CCDC15: variants seen among roughly 807,000 people sequenced by gnomAD.
CCDC15 encodes coiled-coil domain-containing protein 15.
A neutral mutation model predicts 114.5 loss-of-function variants in CCDC15; 105 were observed. The ratio of observed to expected loss-of-function variants is 0.92; its 90% CI spans 0.78 to 1.08. CCDC15 has a LOEUF of 1.08. Among genes scored for constraint, CCDC15 ranks in the 50% least tolerant of loss-of-function variants. The pLI is 0.00. For missense variants in CCDC15, 1,105 were observed against 1,093.6 expected (o/e 1.01, Z -0.15); for synonymous variants, 334 against 377.8 (o/e 0.88, Z 1.34).
intron 4 of CCDC15, among the ~76,000 whole-genome samples, chr11:124,967,848 C>G (rs1187261390): frequency 2.0e-5 from 3 of 152,166 alleles, no homozygotes; most frequent in African/African-American, 7.2e-5. Flanking sequence ...GATGTTGATG[C>G]TATTCCTTTC....
At chr11:125,013,570 A>G (rs926578718) in intron 13 of CCDC15, among the ~76,000 whole-genome samples, 2 of 152,186 alleles carry the variant, frequency 1.3e-5, no homozygotes, top group Admixed American at 6.5e-5. Context: ...AGTAGAATCC[A>G]TAGATTTTGA....
At chr11:124,971,304 G>A (rs1036406986) in intron 4 of CCDC15, among the ~76,000 whole-genome samples, 1 of 152,196 alleles carries the variant, frequency 6.6e-6, no homozygotes, top group African/African-American at 2.4e-5. Context: ...ACCAAAGGTA[G>A]ATAAAACCAC....
intron 4 of CCDC15, among the ~76,000 whole-genome samples, chr11:124,969,207 C>T (rs1947837838): frequency 6.6e-6 from 1 of 152,172 alleles, no homozygotes; most frequent in African/African-American, 2.4e-5. Flanking sequence ...TCTTAATCCG[C>T]ACCCCTTACC....
chr11:125,026,678 T>A (rs1162853822), intron 13 of CCDC15, among the ~76,000 whole-genome samples: 7 of 152,348 alleles, frequency 4.6e-5, no homozygotes, highest in Middle Eastern at 3.4e-3. Flanking sequence ...GCAACTCTTC[T>A]CACCTCCAGC....
At chr11:125,006,652 A>G (rs553758458) in intron 13 of CCDC15, among the ~76,000 whole-genome samples, 1 of 152,020 alleles carries the variant, frequency 6.6e-6, no homozygotes, top group East Asian at 1.9e-4. Flanking sequence ...GTAGTTTTGC[A>G]TTTTACATTT....
chr11:125,026,967 T>TA (rs1948707430), intron 13 of CCDC15, among the ~76,000 whole-genome samples: 1 of 152,184 alleles, frequency 6.6e-6, no homozygotes, highest in African/African-American at 2.4e-5. Context: ...AGCTCCCACT[T>TA]ATAAGTGAAA....
At chr11:125,011,230 A>T (rs1406301251) in intron 13 of CCDC15, among the ~76,000 whole-genome samples, 2 of 135,808 alleles carry the variant, frequency 1.5e-5, no homozygotes, top group Non-Finnish European at 3.1e-5. Flanking sequence ...TATTATTATT[A>T]TTATTATTAT....
chr11:124,966,461 T>G (rs1475690665), intron 4 of CCDC15, among the ~76,000 whole-genome samples: 2 of 145,354 alleles, frequency 1.4e-5, no homozygotes, highest in African/African-American at 5.4e-5. Flanking sequence ...TTGCAACCCC[T>G]GCTTTTTTTT....
intron 11 of CCDC15, among the ~76,000 whole-genome samples, chr11:124,997,565 A>C (rs1948394551): frequency 6.6e-6 from 1 of 152,192 alleles, no homozygotes; most frequent in Non-Finnish European, 1.5e-5. Context: ...TTAGGATTGC[A>C]GGTGTGAGCC....
intron 11 of CCDC15, among the ~76,000 whole-genome samples, chr11:125,000,214 A>T (rs1948454906): frequency 1.3e-5 from 2 of 152,022 alleles, no homozygotes; most frequent in Non-Finnish European, 2.9e-5. Flanking sequence ...AAATCCTCTA[A>T]AGAATATTGT....
chr11:125,011,238 TA>T (rs1331923749), intron 13 of CCDC15, among the ~76,000 whole-genome samples: 19 of 137,812 alleles, frequency 1.4e-4, no homozygotes, highest in African/African-American at 3.9e-4. Context: ...TTATTATTAT[TA>T]TTATTATTAT....
At chr11:125,037,846 T>C (rs1399192205) in intron 13 of CCDC15, among the ~76,000 whole-genome samples, 1 of 152,180 alleles carries the variant, frequency 6.6e-6, no homozygotes, top group Non-Finnish European at 1.5e-5. Context: ...TCTGTTTTGG[T>C]CAGAAGCAGA....
rs1193539037 is a variant in CCDC15, at chr11:125,040,741, T to C, written c.*30T>C. The stretch of plus-strand genomic sequence containing the variant: ...AATCTGAAATTAACTGGTAGTATTT[T>C]GGCTTTTACTTAAAATCATCCCTGA... On this transcript the variant is annotated 3_prime_UTR_variant, in exon 16 of 16. Coordinates refer to ENST00000344762, the MANE Select transcript of CCDC15 (RefSeq NM_025004.3). The C allele has an allele frequency of 6.3e-7, 1 of 1,598,266 alleles. No individual in the cohort carries two copies. The highest frequency in any genetic ancestry group is 2.2e-5 in the East Asian group (1 of 44,700).
intron 13 of CCDC15, among the ~76,000 whole-genome samples, chr11:125,019,891 A>T (rs1454645083): frequency 2.0e-5 from 3 of 151,844 alleles, no homozygotes; most frequent in Admixed American, 1.3e-4. Context: ...GTACGTGTGA[A>T]ATTTTGTTAC....
intron 13 of CCDC15, among the ~76,000 whole-genome samples, chr11:125,032,945 G>C (rs567644926): frequency 6.6e-6 from 1 of 152,192 alleles, no homozygotes; most frequent in Non-Finnish European, 1.5e-5. Flanking sequence ...TCCCCGAAAC[G>C]TCTGATTGTT....
chr11:124,975,037 G>T (rs945606319), intron 4 of CCDC15, 59 bp from the exon 5 acceptor site: 22 of 1,032,172 alleles, frequency 2.1e-5, no homozygotes, highest in Middle Eastern at 2.1e-4. Flanking sequence ...AACACTTAGT[G>T]CATTTGGAAT....
In CCDC15 at chr11:125,040,608, A is replaced by C. The variant is rs746737367; in HGVS notation, c.2753A>C (p.His918Pro). 2 of 1,610,078 alleles carry C rather than the reference A, an allele frequency of 1.2e-6. No individual in the cohort carries two copies. Among genetic ancestry groups the C allele is most frequent in the Admixed American group, 3.4e-5 (2 of 59,574 alleles). Residue 918 changes from histidine (H) to proline (P), a missense_variant, in exon 16 of 16, where the codon CAT becomes CCT. By Grantham distance (77) the His-to-Pro change is moderately conservative (BLOSUM62 -2). Transcript: ENST00000344762. The stretch of plus-strand genomic sequence containing the variant: ...TTTGCAGCATATACTCGGGCACTAC[A>C]TTCATTCATCAATTCCTGTGATGTC... ...KNHRAYTRALHSFINSCDVPG... is the reference protein window; with the variant it reads ...KNHRAYTRALPSFINSCDVPG...
At chr11:124,965,736 G>A (rs78588756) in intron 4 of CCDC15, among the ~76,000 whole-genome samples, 13 of 152,098 alleles carry the variant, frequency 8.5e-5, no homozygotes, top group Non-Finnish European at 1.6e-4. Context: ...TGATGTTAGG[G>A]TGACGATTTT....
chr11:125,022,952 A>C (rs1467654684), intron 13 of CCDC15, among the ~76,000 whole-genome samples: 3 of 151,856 alleles, frequency 2.0e-5, no homozygotes, highest in Non-Finnish European at 4.4e-5. Context: ...ACATGTTAGT[A>C]GGGATTTTTA....
Sources: gnomAD v4.1 joint callset for allele counts (sites outside exome capture counted in the v4.1 genomes callset) on GRCh38, gnomAD v4.1.1 for gene constraint, MANE v1.5 for transcripts, NCBI Gene and HGNC (gene_info 2026-07-23, HGNC 2026-07-21) for gene names.